Variants in KLK6 observed in about 807,000 individuals in gnomAD.
KLK6 encodes the protein kallikrein related peptidase 6, also known as kallikrein-6.
Under a neutral mutation model 21.7 loss-of-function variants are expected in KLK6, and 16 were observed. The observed-to-expected ratio is 0.74, with a 90% CI of 0.50 to 1.12. The LOEUF is 1.12. Among genes scored for constraint, KLK6 ranks in the 50% most tolerant of loss-of-function variants. The pLI, the probability that KLK6 is intolerant of heterozygous loss-of-function variation, is 0.00. For synonymous variants in KLK6, 116 were observed against 120.1 expected (o/e 0.97, Z 0.22); for missense variants, 276 against 304.6 (o/e 0.91, Z 0.70).
intron 2 of KLK6, 101 bp from the exon 3 acceptor site, chr19:50,968,213 A>G (rs1263191336): frequency 3.8e-6 from 4 of 1,054,390 alleles, no homozygotes; most frequent in South Asian, 2.5e-5. Context: ...CTGGCCTGCT[A>G]TGGTCTCCTG....
intron 4 of KLK6, among the ~76,000 whole-genome samples, chr19:50,965,668 C>T (rs2090915712): frequency 6.6e-6 from 1 of 152,176 alleles, no homozygotes; most frequent in Non-Finnish European, 1.5e-5. Context: ...CTCCACTGCC[C>T]AACTCGAATG....
chr19:50,963,415 C>T lies in KLK6; in HGVS notation c.332G>A (p.Arg111His), dbSNP rs553226234. 1.3e-4 allele frequency: 213 copies of T among 1,614,192 alleles called. No individual in the cohort carries two copies. The highest frequency in any genetic ancestry group is 3.7e-4 in the South Asian group (34 of 91,082). ...AGAGAGTTTGGCTGGGCGTGCCAGG[C>T]GCAACAGCATGATGTCCTGGTCATG... ...ASHDQDIMLLRLARPAKLSEL... is the reference protein window; with the variant it reads ...ASHDQDIMLLHLARPAKLSEL... The change falls in exon 5 of 7, where the codon CGC becomes CAC. Residue 111 changes from arginine (R) to histidine (H), a missense_variant. Transcript: ENST00000310157.
Position 50,963,473 on chromosome 19 carries a change from C to T in KLK6, c.274G>A (p.Ala92Thr). Residue 92 changes from alanine (A) to threonine (T), a missense_variant, in exon 5 of 7, where the codon GCT becomes ACT. Coordinates refer to ENST00000310157, the MANE Select transcript of KLK6 (RefSeq NM_002774.4). ...SSQEQSSVVR[A>T]VIHPDYDAAS... ...GCATCATAGTCAGGGTGGATCACAGCCCGGACAACAGAACTCTGCTCCTGG... is the reference window on the plus strand; with the variant it reads ...GCATCATAGTCAGGGTGGATCACAGTCCGGACAACAGAACTCTGCTCCTGG... 6.2e-7 allele frequency: 1 copy of T among 1,614,162 alleles called. No homozygotes were observed. Among genetic ancestry groups the T allele is most frequent in the Non-Finnish European group, 8.5e-7 (1 of 1,180,032 alleles).
chr19:50,965,374 T>A (rs1045475142), intron 4 of KLK6, among the ~76,000 whole-genome samples: 2 of 151,672 alleles, frequency 1.3e-5, no homozygotes, highest in Non-Finnish European at 2.9e-5. Context: ...AACCTCCGCC[T>A]CCCACGTTCA....
At chr19:50,959,803 A>G (rs1299288704) in intron 6 of KLK6, among the ~76,000 whole-genome samples, 60 of 6,090 alleles carry the variant, frequency 9.9e-3, no homozygotes, top group South Asian at 0.013. Flanking sequence ...GGAAGAGGAG[A>G]AGGAGGAGGA....
Position 50,967,273 on chromosome 19 carries a change from T to A in KLK6, c.93A>T (p.Thr31=), listed in dbSNP as rs754286712. ...AGAGGGCAGCTTGGTAGGGGTGAGA[T>A]GTCTTGTCGCAGGGTCCGCCATGCA... ...KLVHGGPCDK[T]SHPYQAALYT... The change falls in exon 4 of 7, where the codon ACA becomes ACT. Residue 31 remains threonine, a synonymous_variant. Coordinates refer to ENST00000310157, the MANE Select transcript of KLK6 (RefSeq NM_002774.4). The A allele has an allele frequency of 1.2e-6, 2 of 1,613,912 alleles. No homozygotes were observed. The highest frequency in any genetic ancestry group is 1.1e-5 in the South Asian group (1 of 91,070).
At chr19:50,959,457 G>T in intron 6 of KLK6, 141 bp from the exon 7 acceptor site, 1 of 720,254 alleles carries the variant, frequency 1.4e-6, no homozygotes. Flanking sequence ...GAAAGATGGA[G>T]AGAAAGACTC....
intron 3 of KLK6, among the ~76,000 whole-genome samples, chr19:50,967,547 ACAC>A (rs957505807): frequency 4.0e-5 from 6 of 151,340 alleles, no homozygotes; most frequent in Non-Finnish European, 8.8e-5. Context: ...ACACACACAC[ACAC>A]AAATTAGCAG....
Position 50,967,197 on chromosome 19 carries a change from C to T in KLK6, c.169G>A (p.Val57Ile), listed in dbSNP as rs772282752. ...CGGVLIHPLW[V>I]LTAAHCKKPN... ...TTTTTGCAGTGGGCAGCTGTGAGGA[C>T]CCACAGTGGATGGATAAGGACCCCA... The change falls in exon 4 of 7, where the codon GTC becomes ATC. Residue 57 changes from valine (V) to isoleucine (I), a missense_variant. By Grantham distance (29) the Val-to-Ile change is conservative. Transcript: ENST00000310157. 2 of 1,613,956 alleles carry T rather than the reference C, an allele frequency of 1.2e-6. No homozygotes were observed. Among genetic ancestry groups the T allele is most frequent in the East Asian group, 4.5e-5 (2 of 44,864 alleles).
chr19:50,966,191 C>T (rs567606567), intron 4 of KLK6, among the ~76,000 whole-genome samples: 114 of 152,342 alleles, frequency 7.5e-4, no homozygotes, highest in South Asian at 1.2e-3. Context: ...CCCCTGCCTA[C>T]ACCCGGCCTG....
At chr19:50,968,467 T>C (rs2090961823) in intron 2 of KLK6, 74 bp downstream of exon 2, 1 of 319,974 alleles carries the variant, frequency 3.1e-6, no homozygotes, top group East Asian at 6.9e-5. Context: ...GGAGTTTTCC[T>C]CGGAGCCTGG....
chr19:50,967,082 G>A, intron 4 of KLK6, 87 bp downstream of exon 4: 1 of 1,450,674 alleles, frequency 6.9e-7, no homozygotes. Flanking sequence ...GGGATGGGGG[G>A]GATGCCTATG....
rs546802658 is a variant in KLK6 at position 50,963,175 on chromosome 19, T to C, written c.445+127A>G. The C allele has an allele frequency of 3.8e-6, 5 of 1,329,406 alleles. No individual in the cohort carries two copies. In the East Asian group the frequency reaches 9.3e-5, roughly 25 times the overall value. The allele number at this position is 1,329,406 out of a possible 1,614,324, so 82.4% of individuals were successfully genotyped here. On this transcript the variant is annotated intron_variant, in intron 5 of 6. Coordinates refer to ENST00000310157, the MANE Select transcript of KLK6 (RefSeq NM_002774.4). Reference sequence around the variant, plus strand: ...CTTGACCTTTCTCCCATTGAAACCCTGTCCCATTGGTCCTCACCATTAGCC... The same window carrying C: ...CTTGACCTTTCTCCCATTGAAACCCCGTCCCATTGGTCCTCACCATTAGCC...
rs374968352 is a variant in KLK6 at position 50,963,380 on chromosome 19, G to T, written c.367C>A (p.Gln123Lys). Residue 123 changes from glutamine (Q) to lysine (K), a missense_variant, in exon 5 of 7, where the codon CAG (glutamine) becomes AAG (lysine). Gln to Lys is a moderately conservative substitution (Grantham distance 53). Transcript: ENST00000310157. ...ARPAKLSELIQPLPLERDCSA... is the reference protein window; with the variant it reads ...ARPAKLSELIKPLPLERDCSA... ...CAGTCCCTCTCCAGGGGAAGGGGCTGGATGAGTTCAGAGAGTTTGGCTGGG... is the reference window on the plus strand; with the variant it reads ...CAGTCCCTCTCCAGGGGAAGGGGCTTGATGAGTTCAGAGAGTTTGGCTGGG... 6.2e-7 allele frequency: 1 copy of T among 1,614,206 alleles called. No homozygotes were observed. The highest frequency in any genetic ancestry group is 1.3e-5 in the African/African-American group (1 of 75,044).
chr19:50,963,714 C>T, intron 4 of KLK6, 165 bp from the exon 5 acceptor site: 1 of 738,704 alleles, frequency 1.4e-6, no homozygotes, highest in South Asian at 1.9e-5. Flanking sequence ...GGCTATTCTT[C>T]ACTCTCTTTA....
At chr19:50,968,348 C>G in intron 2 of KLK6, 193 bp downstream of exon 2, 1 of 592,054 alleles carries the variant, frequency 1.7e-6, no homozygotes, top group Non-Finnish European at 3.0e-6. Flanking sequence ...GGTCCAGTAA[C>G]CCATGGTGAG....
chr19:50,960,497 C>T (rs2090824764), intron 6 of KLK6, among the ~76,000 whole-genome samples: 1 of 152,094 alleles, frequency 6.6e-6, no homozygotes, highest in Non-Finnish European at 1.5e-5. Context: ...CTAGTGTCTC[C>T]CTCCTCCAGA....
rs779762817 is a variant in KLK6 at position 50,961,761 on chromosome 19, C to T, written c.565G>A (p.Gly189Arg). ...CACCTCACCTGGCAGGAATCCTTCC[C>T]GTACTTCTCATCCCCAGCACACAAC... Reference protein sequence around the residue: ...NMLCAGDEKYGKDSCQGDSGG... With the variant: ...NMLCAGDEKYRKDSCQGDSGG... Residue 189 changes from glycine (G) to arginine (R), a missense_variant, in exon 6 of 7, where the codon GGG becomes AGG. Gly to Arg is a moderately radical substitution (Grantham distance 125). Coordinates refer to ENST00000310157, the MANE Select transcript of KLK6 (RefSeq NM_002774.4). 2.2e-5 allele frequency: 36 copies of T among 1,613,752 alleles called. No homozygotes were observed. Among genetic ancestry groups the T allele is most frequent in the African/African-American group, 6.7e-5 (5 of 74,908 alleles).
intron 6 of KLK6, among the ~76,000 whole-genome samples, chr19:50,960,646 G>A (rs919469161): frequency 1.3e-5 from 2 of 152,174 alleles, no homozygotes; most frequent in African/African-American, 4.8e-5. Flanking sequence ...AGGCTGGAGT[G>A]CAGTGGCGTG....
Sources: gnomAD v4.1 joint callset for allele counts (sites outside exome capture counted in the v4.1 genomes callset) on GRCh38, gnomAD v4.1.1 for gene constraint, MANE v1.5 for transcripts, NCBI Gene and HGNC (gene_info 2026-07-23, HGNC 2026-07-21) for gene names.